Variants in SLIT3 observed in about 807,000 individuals in gnomAD.
SLIT3 encodes slit guidance ligand 3.
Under a neutral mutation model 184.0 loss-of-function variants are expected in SLIT3, and 68 were observed. The observed-to-expected ratio is 0.37, with a 90% CI of 0.30 to 0.45. The LOEUF is 0.45. Ranked by LOEUF, SLIT3 falls within the 20% of genes least tolerant of loss-of-function variation. The pLI is 1.00. For synonymous variants in SLIT3, 831 were observed against 828.6 expected (o/e 1.00, Z -0.05); for missense variants, 1,707 against 2,026.0 (o/e 0.84, Z 3.02).
At chr5:168,740,628 T>C (rs1763597574) in intron 20 of SLIT3, among the ~76,000 whole-genome samples, 1 of 152,092 alleles carries the variant, frequency 6.6e-6, no homozygotes, top group Admixed American at 6.6e-5. Context: ...TTGACACTCA[T>C]TCTCCTGCTT....
intron 4 of SLIT3, among the ~76,000 whole-genome samples, chr5:169,092,797 C>T (rs1414816932): frequency 1.3e-5 from 2 of 152,208 alleles, no homozygotes; most frequent in Admixed American, 1.3e-4. Flanking sequence ...CCTTTCTTCT[C>T]ATCCCTGTCC....
At chr5:169,273,046 C>T (rs1200748021) in intron 1 of SLIT3, among the ~76,000 whole-genome samples, 1 of 152,176 alleles carries the variant, frequency 6.6e-6, no homozygotes, top group African/African-American at 2.4e-5. Context: ...CACCGACACA[C>T]ATGGTGCCAA....
intron 4 of SLIT3, among the ~76,000 whole-genome samples, chr5:169,130,565 G>C (rs1434824509): frequency 6.6e-6 from 1 of 152,196 alleles, no homozygotes; most frequent in African/African-American, 2.4e-5. Flanking sequence ...GGGTCGTGAG[G>C]TTGTTCATTT....
At chr5:168,705,519 C>T (rs1046002515) in intron 26 of SLIT3, among the ~76,000 whole-genome samples, 1 of 152,078 alleles carries the variant, frequency 6.6e-6, no homozygotes, top group African/African-American at 2.4e-5. Flanking sequence ...TTGTCATCAT[C>T]ACCGATACCA....
intron 29 of SLIT3, among the ~76,000 whole-genome samples, chr5:168,691,536 G>T (rs910011310): frequency 3.3e-5 from 5 of 152,214 alleles, no homozygotes; most frequent in Non-Finnish European, 5.9e-5. Context: ...AGATGCCACT[G>T]GTGGGCATTC....
intron 4 of SLIT3, among the ~76,000 whole-genome samples, chr5:169,045,428 GAAAA>G (rs5873145): frequency 4.8e-5 from 6 of 123,782 alleles, no homozygotes; most frequent in South Asian, 2.7e-4. Flanking sequence ...GTCCATGCAG[GAAAA>G]AAAAAAAAAA....
intron 11 of SLIT3, 81 bp from the exon 12 acceptor site, chr5:168,786,059 G>T: frequency 2.2e-6 from 2 of 924,218 alleles, no homozygotes; most frequent in Non-Finnish European, 1.8e-6. Flanking sequence ...CCATCACCTC[G>T]GCCAGTTCTG....
At chr5:169,136,967 C>G (rs1417144448) in intron 4 of SLIT3, among the ~76,000 whole-genome samples, 2 of 152,140 alleles carry the variant, frequency 1.3e-5, no homozygotes, top group African/African-American at 4.8e-5. Flanking sequence ...AGTGATCCTC[C>G]TGCCTTGGTC....
rs1430133813 is a variant in SLIT3 at position 169,015,963 on chromosome 5, CACACACACACACACACACACACAA to C, written c.414-132651_414-132628del. ...ACACACACACACACACACACACACA[CACACACACACACACACACACACAA>C]CTTTCTGTCTGCCCCCTTGCTCTTC... On this transcript the variant is annotated intron_variant, in intron 4 of 35. Coordinates refer to ENST00000519560, the MANE Select transcript of SLIT3 (RefSeq NM_003062.4). Among the ~76,000 whole-genome samples the C allele has an allele frequency of 1.3e-4, 18 of 140,334 alleles. No individual in the cohort carries two copies. The East Asian group carries it at 1.4e-3, about 11-fold the overall frequency. 92.1% of individuals were successfully genotyped at this position (140,334 alleles called of 152,430 possible).
At chr5:169,152,298 C>T (rs1363129) in intron 4 of SLIT3, among the ~76,000 whole-genome samples, 26,706 of 152,164 alleles carry the variant, frequency 0.18, 2,623 homozygotes, top group Middle Eastern at 0.35. Context: ...AAATGGTCAC[C>T]TGCCACATCA....
rs1394303418 is a variant in SLIT3 at position 168,844,658 on chromosome 5, G to A, written c.486-3C>T. On this transcript the variant is annotated splice_polypyrimidine_tract_variant and splice_region_variant and intron_variant, in intron 5 of 35. Transcript: ENST00000519560. ...TGATGTGGTTGTTGTCCAGTTGCCT[G>A]TGGAAAAGCAGGGGAGAGCATGAAG... is the stretch of plus-strand genomic sequence containing the variant. 11 of 1,614,124 alleles carry A rather than the reference G, an allele frequency of 6.8e-6. No individual in the cohort carries two copies. Among genetic ancestry groups the A allele is most frequent in the Non-Finnish European group, 9.3e-6 (11 of 1,180,010 alleles).
intron 5 of SLIT3, among the ~76,000 whole-genome samples, chr5:168,860,296 G>A (rs1271418522): frequency 6.6e-6 from 1 of 152,140 alleles, no homozygotes; most frequent in Non-Finnish European, 1.5e-5. Context: ...AGTGACACCT[G>A]ATATACCAGT....
intron 20 of SLIT3, among the ~76,000 whole-genome samples, chr5:168,729,237 G>A (rs922469492): frequency 6.6e-6 from 1 of 152,136 alleles, no homozygotes; most frequent in African/African-American, 2.4e-5. Flanking sequence ...AGTAATTGAT[G>A]AAAATTTCCC....
intron 8 of SLIT3, among the ~76,000 whole-genome samples, chr5:168,814,816 T>C (rs1757278997): frequency 6.6e-6 from 1 of 152,248 alleles, no homozygotes; most frequent in South Asian, 2.1e-4. Flanking sequence ...GGAGGGCATG[T>C]TCCACATGCA....
At chr5:169,126,039 T>C (rs1183123900) in intron 4 of SLIT3, among the ~76,000 whole-genome samples, 1 of 152,132 alleles carries the variant, frequency 6.6e-6, no homozygotes, top group Non-Finnish European at 1.5e-5. Flanking sequence ...AGGTTTGCAC[T>C]GAGACCCACA....
At chr5:169,210,583 A>G (rs550962373) in intron 3 of SLIT3, among the ~76,000 whole-genome samples, 1 of 152,336 alleles carries the variant, frequency 6.6e-6, no homozygotes, top group South Asian at 2.1e-4. Context: ...AAAGTCAGTT[A>G]GTAGGAAGAG....
intron 4 of SLIT3, among the ~76,000 whole-genome samples, chr5:169,124,628 C>T (rs1761008400): frequency 6.6e-6 from 1 of 151,978 alleles, no homozygotes; most frequent in East Asian, 1.9e-4. Context: ...TGATTAAAAG[C>T]CATCTAAAGA....
At chr5:169,181,826 C>G (rs1763167935) in intron 4 of SLIT3, among the ~76,000 whole-genome samples, 1 of 152,022 alleles carries the variant, frequency 6.6e-6, no homozygotes, top group African/African-American at 2.4e-5. Flanking sequence ...TTGAATGAGA[C>G]TGAGATAGAA....
intron 4 of SLIT3, among the ~76,000 whole-genome samples, chr5:169,180,638 A>C (rs542471321): frequency 6.6e-6 from 1 of 152,258 alleles, no homozygotes; most frequent in Admixed American, 6.5e-5. Flanking sequence ...CACTCACATC[A>C]ACAGCTCTCT....
Sources: allele counts gnomAD v4.1 joint callset (sites outside exome capture counted in the v4.1 genomes callset), GRCh38; gene constraint gnomAD v4.1.1; transcripts MANE v1.5; gene names NCBI Gene and HGNC (gene_info 2026-07-23, HGNC 2026-07-21).